ELFN1: variants seen among roughly 807,000 people sequenced by gnomAD.
ELFN1 encodes protein ELFN1.
Under a neutral mutation model 7.6 loss-of-function variants are expected in ELFN1, and 6 were observed. That is an observed-to-expected ratio of 0.79 (90% confidence interval 0.43 to 1.56). ELFN1 has a LOEUF of 1.56. ELFN1 is among the 40% of genes most tolerant of loss of function. The pLI is 0.01. For synonymous variants in ELFN1, 657 were observed against 588.1 expected (o/e 1.12, Z -1.70); for missense variants, 1,169 against 1,232.2 (o/e 0.95, Z 0.77).
At chr7:1,717,701 G>A (rs550133530) in intron 3 of ELFN1, among the ~76,000 whole-genome samples, 1 of 152,250 alleles carries the variant, frequency 6.6e-6, no homozygotes, top group Non-Finnish European at 1.5e-5. Context: ...AGGGGCACAG[G>A]GTGCTTTCGG....
chr7:1,706,084 G>A (rs997418107), intron 2 of ELFN1, among the ~76,000 whole-genome samples: 6 of 152,134 alleles, frequency 3.9e-5, no homozygotes, highest in South Asian at 2.1e-4. Flanking sequence ...TTCCTCCTCC[G>A]ATCCACCGCG....
intron 1 of ELFN1, among the ~76,000 whole-genome samples, chr7:1,674,602 G>T (rs569354340): frequency 3.3e-5 from 5 of 152,256 alleles, no homozygotes; most frequent in South Asian, 4.1e-4. Flanking sequence ...AGTGAGGGGG[G>T]TGGGGAGAGG....
At chr7:1,727,432 G>C (rs1355835403) in intron 3 of ELFN1, among the ~76,000 whole-genome samples, 1 of 152,148 alleles carries the variant, frequency 6.6e-6, no homozygotes, top group African/African-American at 2.4e-5. Context: ...TTTTCCATGA[G>C]AGGGGCAGGG....
At chr7:1,696,808 C>G (rs1210567489) in intron 2 of ELFN1, among the ~76,000 whole-genome samples, 4 of 152,184 alleles carry the variant, frequency 2.6e-5, no homozygotes. Flanking sequence ...TCTCATCAGC[C>G]GGGGGCCAGG....
chr7:1,683,190 T>C (rs954753107), intron 1 of ELFN1, among the ~76,000 whole-genome samples: 2 of 151,734 alleles, frequency 1.3e-5, no homozygotes, highest in African/African-American at 4.8e-5. Flanking sequence ...TTTTTTTGAA[T>C]GAGTTTGTGA....
chr7:1,695,767 A>C lies in ELFN1; in HGVS notation c.-456+7617A>C, dbSNP rs900572294. ...CGTGTCAAAAAAAAAAAAAAAAAAA[A>C]AAAAACCGTGCTGGTTTGGTTTCAC... is the stretch of plus-strand genomic sequence containing the variant. On this transcript the variant is annotated intron_variant, in intron 2 of 3. Transcript: ENST00000424383. The surrounding 1 kb of genome is among the most constrained non-coding windows in gnomAD (Gnocchi z 5.1). Among the ~76,000 whole-genome samples, 3 of 151,590 alleles carry C rather than the reference A, an allele frequency of 2.0e-5. No homozygotes were observed. Among genetic ancestry groups the C allele is most frequent in the East Asian group, 3.9e-4 (2 of 5,124 alleles).
Position 1,674,401 on chromosome 7 carries a change from G to A in ELFN1, c.-549+4047G>A, listed in dbSNP as rs140408668. On this transcript the variant is annotated intron_variant, in intron 1 of 3. Coordinates refer to ENST00000424383, the MANE Select transcript of ELFN1 (RefSeq NM_001128636.4). Reference sequence around the variant, plus strand: ...CCGGTTGCCTCCCTTCTGCCCAGCAGTTAGTTCCTCAGGACTCACGGCTTC... The same window carrying A: ...CCGGTTGCCTCCCTTCTGCCCAGCAATTAGTTCCTCAGGACTCACGGCTTC... Among the ~76,000 whole-genome samples, 488 of 152,294 alleles carry A rather than the reference G, an allele frequency of 3.2e-3. 6 individuals are homozygous for A. Among genetic ancestry groups the A allele is most frequent in the African/African-American group, 0.011 (467 of 41,560 alleles).
Position 1,735,090 on chromosome 7 carries a change from T to A in ELFN1, c.-293-9214T>A, listed in dbSNP as rs1258153622. ...TCAACTTCCTGGCTAGACTTTCCCA[T>A]GCTGAGCCTCTGTTTCCCCATCTGT... On this transcript the variant is annotated intron_variant, in intron 3 of 3. Coordinates refer to ENST00000424383, the MANE Select transcript of ELFN1 (RefSeq NM_001128636.4). The surrounding 1 kb of genome is among the most constrained non-coding windows in gnomAD (Gnocchi z 5.9). Among the ~76,000 whole-genome samples the A allele has an allele frequency of 6.6e-6, 1 of 152,172 alleles. No individual in the cohort carries two copies. Among genetic ancestry groups the A allele is most frequent in the South Asian group, 2.1e-4 (1 of 4,826 alleles).
intron 3 of ELFN1, among the ~76,000 whole-genome samples, chr7:1,717,344 C>T (rs973935282): frequency 2.0e-5 from 3 of 152,316 alleles, no homozygotes; most frequent in South Asian, 2.1e-4. Context: ...CTGGCCTGGC[C>T]GCTTGCAGCA....
rs1780573809 is a variant in ELFN1 at position 1,740,394 on chromosome 7, C to T, written c.-293-3910C>T. On this transcript the variant is annotated intron_variant, in intron 3 of 3. Coordinates refer to ENST00000424383, the MANE Select transcript of ELFN1 (RefSeq NM_001128636.4). The surrounding 1 kb of genome is among the most constrained non-coding windows in gnomAD (Gnocchi z 5.0). ...TCTGTGAAGGACAGTAACGCCCATGCGGGGTCTCCGCACCTGCCCTCCGTG... is the reference window on the plus strand; with the variant it reads ...TCTGTGAAGGACAGTAACGCCCATGTGGGGTCTCCGCACCTGCCCTCCGTG... Among the ~76,000 whole-genome samples, 2 of 152,352 alleles carry T rather than the reference C, an allele frequency of 1.3e-5. No individual in the cohort carries two copies. The highest frequency in any genetic ancestry group is 1.9e-4 in the East Asian group (1 of 5,180).
Position 1,701,092 on chromosome 7 carries a change from CGT to C in ELFN1, c.-455-7991_-455-7990del, listed in dbSNP as rs1211554024. ...GTGTATGTGTGCGTGTGTGTGTGCG[CGT>C]GTGTGTGCGCATATGTGTGCGTATG... On this transcript the variant is annotated intron_variant, in intron 2 of 3. Coordinates refer to ENST00000424383, the MANE Select transcript of ELFN1 (RefSeq NM_001128636.4). 1.5e-4 allele frequency among the ~76,000 whole-genome samples: 23 copies of C among 149,926 alleles called. No homozygotes were observed. The South Asian group carries it at 1.9e-3, about 13-fold the overall frequency.
intron 3 of ELFN1, among the ~76,000 whole-genome samples, chr7:1,711,559 AGAGAGAGC>A (rs1779650525): frequency 7.2e-6 from 1 of 138,648 alleles, no homozygotes; most frequent in Non-Finnish European, 1.5e-5. Flanking sequence ...AAAACCTTGA[AGAGAGAGC>A]GAGAGAGTGA....
intron 3 of ELFN1, among the ~76,000 whole-genome samples, chr7:1,716,623 A>G (rs1372687094): frequency 6.6e-6 from 1 of 152,230 alleles, no homozygotes; most frequent in East Asian, 1.9e-4. Context: ...ATCCCTGTGC[A>G]TACGTGTCAC....
intron 1 of ELFN1, among the ~76,000 whole-genome samples, chr7:1,679,685 C>T (rs116353716): frequency 0.019 from 2,823 of 152,272 alleles, 97 homozygotes; most frequent in African/African-American, 0.065. Context: ...TCCCACCAAG[C>T]GGGGTGGCAT....
At chr7:1,732,231 G>A (rs116295970) in intron 3 of ELFN1, among the ~76,000 whole-genome samples, 1,761 of 152,288 alleles carry the variant, frequency 0.012, 31 homozygotes, top group African/African-American at 0.04. Flanking sequence ...GAACATTGGG[G>A]TGCTGGGAGG....
Position 1,745,601 on chromosome 7 carries a change from G to A in ELFN1, c.1005G>A (p.Leu335=). The change falls in exon 4 of 4, where the codon CTG becomes CTA. Residue 335 remains leucine (L), a synonymous_variant. Coordinates refer to ENST00000424383, the MANE Select transcript of ELFN1 (RefSeq NM_001128636.4). The stretch of plus-strand genomic sequence containing the variant: ...ACTCGGCCACCATCACCGTCCAGCT[G>A]CCCAGCCCGTTCCACCGGATGTACA... ...TQNSATITVQ[L]PSPFHRMYTL... 6.4e-7 allele frequency: 1 copy of A among 1,550,926 alleles called. No homozygotes were observed. The highest frequency in any genetic ancestry group is 8.7e-7 in the Non-Finnish European group (1 of 1,146,960).
chr7:1,721,149 G>A (rs558641350), intron 3 of ELFN1, among the ~76,000 whole-genome samples: 1 of 152,368 alleles, frequency 6.6e-6, no homozygotes, highest in African/African-American at 2.4e-5. Flanking sequence ...AGGTAGCTGA[G>A]AGGCACAGAA....
intron 3 of ELFN1, among the ~76,000 whole-genome samples, chr7:1,719,650 C>T (rs1006084577): frequency 6.6e-6 from 1 of 152,174 alleles, no homozygotes; most frequent in Non-Finnish European, 1.5e-5. Context: ...CTTTCCAGAT[C>T]TGTTGGCAGA....
At chr7:1,681,914 C>G (rs887220469) in intron 1 of ELFN1, among the ~76,000 whole-genome samples, 1 of 152,176 alleles carries the variant, frequency 6.6e-6, no homozygotes, top group African/African-American at 2.4e-5. Context: ...AATGTCTATT[C>G]AAATCTCTTG....
Sources: allele counts gnomAD v4.1 joint callset (sites outside exome capture counted in the v4.1 genomes callset), GRCh38; gene constraint gnomAD v4.1.1; non-coding constraint Gnocchi (gnomAD v3.1); transcripts MANE v1.5; gene names NCBI Gene and HGNC (gene_info 2026-07-23, HGNC 2026-07-21).